THRB: variants seen among roughly 807,000 people sequenced by gnomAD.
THRB encodes the protein thyroid hormone receptor beta, also known as nuclear receptor subfamily 1 group A member 2.
A neutral mutation model predicts 47.8 loss-of-function variants in THRB; 12 were observed. The observed-to-expected ratio is 0.25, with a 90% CI of 0.16 to 0.41. THRB has a LOEUF of 0.41. Among genes scored for constraint, THRB ranks in the 10% least tolerant of loss-of-function variants. The probability of loss-of-function intolerance (pLI) is 1.00; values close to 1 mark genes in which losing one functional copy is unlikely to be tolerated. For missense variants in THRB, 348 were observed against 589.2 expected, an observed-to-expected ratio of 0.59 and a Z score of 4.24; for synonymous variants, 218 against 212.2, an observed-to-expected ratio of 1.03 and a Z score of -0.24.
intron 1 of THRB, among the ~76,000 whole-genome samples, chr3:24,346,268 AT>A (rs1328430750): frequency 6.6e-6 from 1 of 152,122 alleles, no homozygotes; most frequent in African/African-American, 2.4e-5. Context: ...CACAACTTAT[AT>A]TATATACTAA....
At chr3:24,293,483 A>C (rs751102150) in intron 3 of THRB, among the ~76,000 whole-genome samples, 1 of 152,252 alleles carries the variant, frequency 6.6e-6, no homozygotes, top group Non-Finnish European at 1.5e-5. Flanking sequence ...AAAAGAAGAC[A>C]ATATTGCAAA....
chr3:24,450,765 T>C (rs2072570403), intron 1 of THRB, among the ~76,000 whole-genome samples: 1 of 152,130 alleles, frequency 6.6e-6, no homozygotes, highest in Non-Finnish European at 1.5e-5. Context: ...TTAAGGTGCA[T>C]ACAGTCAACT....
intron 4 of THRB, among the ~76,000 whole-genome samples, chr3:24,227,300 T>A (rs529982486): frequency 6.6e-6 from 1 of 152,172 alleles, no homozygotes; most frequent in Admixed American, 6.5e-5. Flanking sequence ...TGCAAAGACT[T>A]AGGCCATCAC....
At chr3:24,449,273 T>G (rs1462971916) in intron 1 of THRB, among the ~76,000 whole-genome samples, 1 of 152,192 alleles carries the variant, frequency 6.6e-6, no homozygotes, top group Non-Finnish European at 1.5e-5. Flanking sequence ...TCTATTTTCA[T>G]GGATTTCACA....
At chr3:24,335,213 G>T (rs1305705661) in intron 2 of THRB, among the ~76,000 whole-genome samples, 1 of 152,174 alleles carries the variant, frequency 6.6e-6, no homozygotes, top group Non-Finnish European at 1.5e-5. Context: ...GGCCTCTGTG[G>T]TCAGCGGAAT....
intron 2 of THRB, among the ~76,000 whole-genome samples, chr3:24,310,380 C>T (rs7622481): frequency 0.27 from 40,550 of 152,090 alleles, 5,412 homozygotes; most frequent in South Asian, 0.32. Flanking sequence ...GAGAAGACTT[C>T]CCTTTAATTC....
chr3:24,342,662 T>C (rs1012977497), intron 1 of THRB, among the ~76,000 whole-genome samples: 3 of 152,060 alleles, frequency 2.0e-5, no homozygotes, highest in African/African-American at 7.2e-5. Flanking sequence ...AGGCAGGGCA[T>C]GGAGAGGATC....
intron 4 of THRB, among the ~76,000 whole-genome samples, chr3:24,199,125 C>T (rs2044304723): frequency 6.6e-6 from 1 of 152,168 alleles, no homozygotes; most frequent in Admixed American, 6.5e-5. Flanking sequence ...ACTTTTCATA[C>T]ATTATTTTAT....
intron 3 of THRB, among the ~76,000 whole-genome samples, chr3:24,277,779 G>A (rs1360341888): frequency 1.3e-5 from 2 of 152,140 alleles, no homozygotes; most frequent in African/African-American, 4.8e-5. Context: ...TCCCTCAAGA[G>A]CTTTCCTGGC....
chr3:24,452,222 C>T (rs546277826), intron 1 of THRB, among the ~76,000 whole-genome samples: 172 of 152,146 alleles, frequency 1.1e-3, no homozygotes, highest in Middle Eastern at 3.4e-3. Flanking sequence ...TTTATTTTAC[C>T]ATGGGTATTT....
In THRB at chr3:24,270,722, T is replaced by C. The variant is rs548032264; in HGVS notation, c.-43+26504A>G. ...GGAGTGGGCAGAGTGAATTCTAGCCTAACTTCTGTTCCCAATCAGCCAGGG... is the reference window on the plus strand; with the variant it reads ...GGAGTGGGCAGAGTGAATTCTAGCCCAACTTCTGTTCCCAATCAGCCAGGG... On this transcript the variant is annotated intron_variant, in intron 3 of 10. Coordinates refer to ENST00000646209, the MANE Select transcript of THRB (RefSeq NM_001354712.2). 1.5e-3 allele frequency among the ~76,000 whole-genome samples: 231 copies of C among 152,362 alleles called. 1 individual carries two copies. The highest frequency in any genetic ancestry group is 2.9e-3 in the Non-Finnish European group (197 of 68,034).
chr3:24,208,940 G>A (rs55633713), intron 4 of THRB, among the ~76,000 whole-genome samples: 1 of 151,972 alleles, frequency 6.6e-6, no homozygotes, highest in Non-Finnish European at 1.5e-5. Flanking sequence ...TGCAATCTAC[G>A]CATCTGACAA....
At chr3:24,249,507 A>T (rs997277213) in intron 3 of THRB, among the ~76,000 whole-genome samples, 5 of 152,168 alleles carry the variant, frequency 3.3e-5, no homozygotes, top group Non-Finnish European at 5.9e-5. Flanking sequence ...TGTTCCTTCT[A>T]CTTTGGGACT....
intron 3 of THRB, among the ~76,000 whole-genome samples, chr3:24,291,986 A>C (rs1576600530): frequency 6.6e-6 from 1 of 152,182 alleles, no homozygotes; most frequent in Admixed American, 6.5e-5. Context: ...CATTAACAGA[A>C]GACTCAGTAA....
At chr3:24,456,047 G>A (rs114666671) in intron 1 of THRB, among the ~76,000 whole-genome samples, 496 of 152,222 alleles carry the variant, frequency 3.3e-3, no homozygotes, top group Non-Finnish European at 5.7e-3. Context: ...AAATAAGTTC[G>A]GCCAGGCATG....
At chr3:24,198,887 C>G (rs1221110835) in intron 4 of THRB, among the ~76,000 whole-genome samples, 8 of 152,048 alleles carry the variant, frequency 5.3e-5, no homozygotes, top group Admixed American at 5.2e-4. Flanking sequence ...GAGGGTGTGT[C>G]TTCCTGGCCA....
At chr3:24,435,131 A>AT (rs2070810473) in intron 1 of THRB, among the ~76,000 whole-genome samples, 1 of 152,196 alleles carries the variant, frequency 6.6e-6, no homozygotes, top group South Asian at 2.1e-4. Context: ...GACAAGGTCT[A>AT]TAAGGACCTG....
rs1430031414 is a variant in THRB, at chr3:24,122,276, C to G, written c.*608G>C. ...ACACCTTTGTATAACTTGAATTAAACCATAACGTTATAAAAATGATATTGG... is the reference window on the plus strand; with the variant it reads ...ACACCTTTGTATAACTTGAATTAAAGCATAACGTTATAAAAATGATATTGG... On this transcript the variant is annotated 3_prime_UTR_variant, in exon 11 of 11. Transcript: ENST00000646209. 1 of 158,408 alleles carries G rather than the reference C, an allele frequency of 6.3e-6. No homozygotes were observed. The highest frequency in any genetic ancestry group is 2.4e-5 in the African/African-American group (1 of 41,484). 9.8% of individuals were successfully genotyped at this position (158,408 alleles called of 1,614,324 possible).
intron 1 of THRB, among the ~76,000 whole-genome samples, chr3:24,489,460 A>G (rs1010163079): frequency 1.3e-5 from 2 of 152,190 alleles, no homozygotes; most frequent in Admixed American, 6.5e-5. Context: ...GCACATCTAC[A>G]TCTATCAGAA....
Sources: gnomAD v4.1 joint callset for allele counts (sites outside exome capture counted in the v4.1 genomes callset) on GRCh38, gnomAD v4.1.1 for gene constraint, MANE v1.5 for transcripts, NCBI Gene and HGNC (gene_info 2026-07-23, HGNC 2026-07-21) for gene names.